Variants in SORL1 observed in about 807,000 individuals in gnomAD.
SORL1 encodes sortilin related receptor 1.
In SORL1, 127 loss-of-function variants were observed where a neutral mutation model predicts 273.7. That is an observed-to-expected ratio of 0.46 (90% CI 0.40 to 0.54). The LOEUF is 0.54. SORL1 is among the 20% of genes least tolerant of loss of function. The pLI is 0.00. For synonymous variants in SORL1, 1,031 were observed against 1,067.4 expected, an observed-to-expected ratio of 0.97 and a Z score of 0.66; for missense variants, 2,494 against 2,846.1, an observed-to-expected ratio of 0.88 and a Z score of 2.81.
At chr11:121,578,462 A>C (rs1862969050) in intron 25 of SORL1, among the ~76,000 whole-genome samples, 1 of 152,238 alleles carries the variant, frequency 6.6e-6, no homozygotes. Context: ...AATTGGTAAA[A>C]GGAAATACAA....
At chr11:121,569,141 A>G (rs890426401) in intron 22 of SORL1, among the ~76,000 whole-genome samples, 10 of 152,180 alleles carry the variant, frequency 6.6e-5, no homozygotes, top group South Asian at 2.1e-4. Context: ...CACTTCCCCA[A>G]TCAATACCCT....
At chr11:121,556,146 C>G (rs1172243831) in intron 18 of SORL1, among the ~76,000 whole-genome samples, 1 of 152,192 alleles carries the variant, frequency 6.6e-6, no homozygotes, top group Non-Finnish European at 1.5e-5. Flanking sequence ...ATTCGCACAA[C>G]CATTTGACAG....
In SORL1 at chr11:121,541,943, T is replaced by C. The variant is rs1008121333; in HGVS notation, c.1686-1605T>C. Among the ~76,000 whole-genome samples, 55 of 152,216 alleles carry C rather than the reference T, an allele frequency of 3.6e-4. 1 individual carries two copies. The highest frequency in any genetic ancestry group is 1.0e-4 in the Non-Finnish European group (7 of 68,030). On this transcript the variant is annotated intron_variant, in intron 12 of 47. Coordinates refer to ENST00000260197, the MANE Select transcript of SORL1 (RefSeq NM_003105.6). ...TCAGTATATACTTTCCTTCAACTTT[T>C]TACTTTTTAATTTCTAAGACCACGG...
rs977146097 is a variant in SORL1, at chr11:121,550,750, G to C, written c.2266+80G>C. ...CACGATCTCACCCAAGTCCGGGCTT[G>C]TGGCTCCTTTAATTGAGTGGAGAAA... On this transcript the variant is annotated intron_variant, in intron 16 of 47. Transcript: ENST00000260197. This position sits in a 1 kb window ranked among gnomAD's most constrained non-coding sequence, Gnocchi z 5.3. 3 of 1,090,448 alleles carry C rather than the reference G, an allele frequency of 2.8e-6. No homozygotes were observed. The highest frequency in any genetic ancestry group is 2.5e-5 in the East Asian group (1 of 40,660). The allele number at this position is 1,090,448 out of a possible 1,614,324, so 67.5% of individuals were successfully genotyped here.
At chr11:121,507,356 A>G (rs1861804024) in intron 6 of SORL1, among the ~76,000 whole-genome samples, 1 of 152,138 alleles carries the variant, frequency 6.6e-6, no homozygotes, top group Non-Finnish European at 1.5e-5. Flanking sequence ...TTCTTCAAAT[A>G]TTCTTTCTCC....
rs769246012 is a variant in SORL1 at position 121,621,154 on chromosome 11, A to G, written c.5980A>G (p.Asn1994Asp). Residue 1994 changes from asparagine (N) to aspartate (D), a missense_variant, in exon 44 of 48, where the codon AAC (asparagine) becomes GAC (aspartate). By Grantham distance (23) the Asn-to-Asp change is conservative (BLOSUM62 1). Around this residue, in one of 3 missense-constraint regions of SORL1, gnomAD observed 1,609 missense variants for 1,816.4 expected, o/e 0.89. Transcript: ENST00000260197. Reference sequence around the variant, plus strand: ...TAACAGCACTGTGGAATACACCCTTAACAAGTTGGAGCCTGGCGGGAAATA... The same window carrying G: ...TAACAGCACTGTGGAATACACCCTTGACAAGTTGGAGCCTGGCGGGAAATA... ...SRNSTVEYTL[N>D]KLEPGGKYHI... 1.2e-6 allele frequency: 2 copies of G among 1,614,174 alleles called. No homozygotes were observed. The highest frequency in any genetic ancestry group is 1.7e-6 in the Non-Finnish European group (2 of 1,179,986).
intron 6 of SORL1, among the ~76,000 whole-genome samples, chr11:121,506,287 G>C (rs1013264467): frequency 6.6e-6 from 1 of 151,968 alleles, no homozygotes; most frequent in East Asian, 1.9e-4. Flanking sequence ...AGTAAACATG[G>C]TGTATTAGTC....
At chr11:121,484,823 G>A (rs188161528) in intron 3 of SORL1, among the ~76,000 whole-genome samples, 2 of 152,122 alleles carry the variant, frequency 1.3e-5, no homozygotes, top group East Asian at 1.9e-4. Flanking sequence ...GTGTGATGTC[G>A]GCTCATTGCA....
In SORL1 at chr11:121,550,064, G is replaced by T. The variant is rs1377639324; in HGVS notation, c.2156G>T (p.Gly719Val). 6.2e-7 allele frequency: 1 copy of T among 1,613,608 alleles called. No individual in the cohort carries two copies. Among genetic ancestry groups the T allele is most frequent in the Non-Finnish European group, 8.5e-7 (1 of 1,179,712 alleles). Residue 719 changes from glycine (G) to valine (V), a missense_variant, in exon 15 of 48, where the codon GGT (glycine) becomes GTT (valine). Coordinates refer to ENST00000260197, the MANE Select transcript of SORL1 (RefSeq NM_003105.6). The surrounding 1 kb of genome is among the most constrained non-coding windows in gnomAD (Gnocchi z 5.3). ...TCCCCTCCTGTGCCTTGCCCTGTGG[G>T]TTCTACTTACAGGAGAACGAGAGGG... The part of the protein sequence containing the change: ...SYSPPVPCPV[G>V]STYRRTRGYR...
At chr11:121,585,564 A>AGAAAAGATAC (rs1301865479) in intron 26 of SORL1, among the ~76,000 whole-genome samples, 1 of 151,982 alleles carries the variant, frequency 6.6e-6, no homozygotes, top group Non-Finnish European at 1.5e-5. Context: ...TGTTCAAAAT[A>AGAAAAGATAC]GAAAAGATAC....
chr11:121,497,795 G>A (rs1861653770), intron 6 of SORL1, among the ~76,000 whole-genome samples: 1 of 152,184 alleles, frequency 6.6e-6, no homozygotes, highest in African/African-American at 2.4e-5. Flanking sequence ...CTTTCCTGAT[G>A]GTGCCCTTCC....
Position 121,625,267 on chromosome 11 carries a change from G to A in SORL1, c.6354G>A (p.Glu2118=). ...AGCCTGCCATCCTGCTGTACGATGA[G>A]CTGGGGTCTGGTGAGTTGCGATTGC... is the stretch of plus-strand genomic sequence containing the variant. The part of the protein sequence containing the change: ...CGEPAILLYD[E]LGSGADASAT... The change falls in exon 46 of 48, where the codon GAG becomes GAA. Residue 2118 remains glutamate, a synonymous_variant. Coordinates refer to ENST00000260197, the MANE Select transcript of SORL1 (RefSeq NM_003105.6). The A allele has an allele frequency of 6.2e-7, 1 of 1,612,286 alleles. No homozygotes were observed. The highest frequency in any genetic ancestry group is 8.5e-7 in the Non-Finnish European group (1 of 1,179,220).
intron 45 of SORL1, among the ~76,000 whole-genome samples, chr11:121,624,406 C>T (rs1336760524): frequency 1.3e-5 from 2 of 152,112 alleles, no homozygotes; most frequent in African/African-American, 4.8e-5. Flanking sequence ...GTATCCTGGG[C>T]CAGGGCTGTC....
At chr11:121,552,870 C>T (rs1348867372) in intron 16 of SORL1, among the ~76,000 whole-genome samples, 1 of 152,156 alleles carries the variant, frequency 6.6e-6, no homozygotes, top group Non-Finnish European at 1.5e-5. Flanking sequence ...CCATATGCAA[C>T]ACACTGTCAA....
At position 121,627,533 on chromosome 11, in the gene SORL1, G is replaced by T; in HGVS notation, c.6365-22G>T. The T allele has an allele frequency of 1.2e-6, 2 of 1,608,050 alleles. No individual in the cohort carries two copies. Among genetic ancestry groups the T allele is most frequent in the Middle Eastern group, 1.7e-4 (1 of 6,058 alleles). On this transcript the variant is annotated intron_variant, in intron 46 of 47. Coordinates refer to ENST00000260197, the MANE Select transcript of SORL1 (RefSeq NM_003105.6). This position sits in a 1 kb window ranked among gnomAD's most constrained non-coding sequence, Gnocchi z 4.9. ...TCTCCTGCCCTCAGGTGGGCTTATT[G>T]GTGGGAACTTTGCCTTGGCAGGTGC...
intron 3 of SORL1, among the ~76,000 whole-genome samples, chr11:121,485,183 G>A (rs1018240010): frequency 6.6e-6 from 1 of 152,198 alleles, no homozygotes; most frequent in Non-Finnish European, 1.5e-5. Context: ...GCCAGCAGAG[G>A]AGAATCAAGG....
intron 12 of SORL1, among the ~76,000 whole-genome samples, chr11:121,537,877 G>A (rs1254776871): frequency 2.0e-5 from 3 of 152,196 alleles, no homozygotes; most frequent in Admixed American, 6.5e-5. Context: ...CCTTTTGCAT[G>A]AAAGCCTTTC....
intron 3 of SORL1, among the ~76,000 whole-genome samples, chr11:121,481,154 T>C (rs1252445407): frequency 7.8e-6 from 1 of 128,802 alleles, no homozygotes; most frequent in Admixed American, 7.5e-5. Flanking sequence ...CCCCAGCTTC[T>C]TCCGTAGTGC....
At chr11:121,501,407 C>T (rs1230168549) in intron 6 of SORL1, among the ~76,000 whole-genome samples, 3 of 152,202 alleles carry the variant, frequency 2.0e-5, no homozygotes, top group Non-Finnish European at 2.9e-5. Context: ...TAACCACTAA[C>T]CTAGTATCTT....
Sources: gnomAD v4.1 joint callset for allele counts (sites outside exome capture counted in the v4.1 genomes callset) on GRCh38, gnomAD v4.1.1 for gene constraint, gnomAD v4.1.1 regional missense constraint, Gnocchi (gnomAD v3.1) non-coding constraint, MANE v1.5 for transcripts, NCBI Gene and HGNC (gene_info 2026-07-23, HGNC 2026-07-21) for gene names.